The following IARS1 variants were observed in gnomAD, a reference collection of about 807,000 sequenced individuals.
IARS1 encodes isoleucyl-tRNA synthetase 1, also known as isoleucine--tRNA ligase, cytoplasmic.
A neutral mutation model predicts 168.2 loss-of-function variants in IARS1; 124 were observed. The ratio of observed to expected loss-of-function variants is 0.74; its 90% CI spans 0.64 to 0.86. The LOEUF is 0.86. Among genes scored for constraint, IARS1 ranks in the 40% least tolerant of loss-of-function variants. The pLI is 0.00. For synonymous variants in IARS1, 532 were observed against 529.4 expected (o/e 1.00, Z -0.07); for missense variants, 1,452 against 1,515.8 (o/e 0.96, Z 0.70).
At position 92,210,822 on chromosome 9, in the gene IARS1, T is replaced by C. The variant is rs1385445351; in HGVS notation, c.3774A>G (p.Thr1258=). The change falls in exon 34 of 34, where the codon ACA becomes ACG. Residue 1258 remains threonine, a synonymous_variant. Transcript: ENST00000443024. ...TAAGTACATGCTAGAAGTCTGCTGT[T>C]GTTGGTAACACAGAAACATACACAG... ...MKTVYVSVLP[T]TADF The C allele has an allele frequency of 1.9e-6, 3 of 1,608,722 alleles. No homozygotes were observed. The highest frequency in any genetic ancestry group is 1.7e-6 in the Non-Finnish European group (2 of 1,175,140).
intron 20 of IARS1, among the ~76,000 whole-genome samples, chr9:92,255,931 C>A (rs1830652771): frequency 6.6e-6 from 1 of 152,122 alleles, no homozygotes; most frequent in African/African-American, 2.4e-5. Flanking sequence ...TGATGGATAT[C>A]CCATTTACCC....
chr9:92,263,100 C>A, intron 16 of IARS1, 45 bp from the exon 17 acceptor site: 1 of 1,300,092 alleles, frequency 7.7e-7, no homozygotes, highest in South Asian at 1.2e-5. Flanking sequence ...GAAATGAAGT[C>A]CAAGCATAAG....
At chr9:92,224,081 G>A (rs1313369353) in intron 31 of IARS1, among the ~76,000 whole-genome samples, 1 of 152,212 alleles carries the variant, frequency 6.6e-6, no homozygotes, top group Non-Finnish European at 1.5e-5. Context: ...GGAAACTGCT[G>A]CACCAGTGGC....
rs1829763164 is a variant in IARS1, at chr9:92,249,899, C to T, written c.2575G>A (p.Ala859Thr). ...TCCAAAGACTTGATATCTTTAAGAG[C>T]TTCTGGATCTTGATGGATAACCACA... ...EIVVIHQDPE[A>T]LKDIKSLEKY... Residue 859 changes from alanine to threonine, a missense_variant, in exon 25 of 34, where the codon GCT becomes ACT. Transcript: ENST00000443024. The T allele has an allele frequency of 6.2e-7, 1 of 1,607,454 alleles. No homozygotes were observed. Among genetic ancestry groups the T allele is most frequent in the East Asian group, 2.2e-5 (1 of 44,818 alleles).
chr9:92,240,640 C>T (rs1159195799), intron 30 of IARS1: 1 of 716,306 alleles, frequency 1.4e-6, no homozygotes, highest in Admixed American at 2.0e-5. Flanking sequence ...GCAATCCTCT[C>T]ACCTTGGCTT....
At chr9:92,239,311 T>C (rs1348020781) in intron 30 of IARS1, among the ~76,000 whole-genome samples, 1 of 152,212 alleles carries the variant, frequency 6.6e-6, no homozygotes, top group Non-Finnish European at 1.5e-5. Context: ...GTATTTCTGA[T>C]TGATATGGAA....
At chr9:92,227,384 G>A (rs1185075394) in intron 31 of IARS1, among the ~76,000 whole-genome samples, 1 of 143,190 alleles carries the variant, frequency 7.0e-6, no homozygotes, top group Non-Finnish European at 1.5e-5. Context: ...AGGGGCGGCC[G>A]GGCAGAGGCG....
Position 92,220,445 on chromosome 9 carries a change from AT to A in IARS1, c.3706+2074del, listed in dbSNP as rs1277876352. Among the ~76,000 whole-genome samples the A allele has an allele frequency of 4.2e-3, 646 of 152,098 alleles. 7 individuals carry two copies. The highest frequency in any genetic ancestry group is 0.014 in the African/African-American group (601 of 41,518). On this transcript the variant is annotated intron_variant, in intron 33 of 33. Transcript: ENST00000443024. ...TAATAAAAATAATAATCATAAAAAA[AT>A]AATAAAATAAAATTACAAAAATTAT... is the stretch of plus-strand genomic sequence containing the variant.
chr9:92,240,834 A>T (rs1309714521), intron 30 of IARS1, 22 bp downstream of exon 30: 1 of 1,490,224 alleles, frequency 6.7e-7, no homozygotes, highest in Non-Finnish European at 9.4e-7. Flanking sequence ...AAAGTCACAC[A>T]AATCATGGAA....
chr9:92,276,128 TAGG>T (rs892912774), intron 9 of IARS1, among the ~76,000 whole-genome samples: 2 of 152,070 alleles, frequency 1.3e-5, no homozygotes, highest in African/African-American at 4.8e-5. Context: ...AGCTATATGA[TAGG>T]AGAATGGAAT....
chr9:92,222,340 CAAAAAA>C (rs60335070), intron 33 of IARS1, among the ~76,000 whole-genome samples, 174 bp downstream of exon 33: 2,935 of 55,362 alleles, frequency 0.053, 21 homozygotes, highest in South Asian at 0.14. Flanking sequence ...GACTCAGTCT[CAAAAAA>C]AAAAAAAAAA....
At chr9:92,244,698 T>A (rs977243394) in intron 27 of IARS1, among the ~76,000 whole-genome samples, 2 of 152,212 alleles carry the variant, frequency 1.3e-5, no homozygotes, top group African/African-American at 2.4e-5. Context: ...CTTGAAGGGT[T>A]CATTTTTGTG....
At chr9:92,219,715 G>A (rs1266629140) in intron 33 of IARS1, among the ~76,000 whole-genome samples, 3 of 137,744 alleles carry the variant, frequency 2.2e-5, no homozygotes, top group East Asian at 4.0e-4. Flanking sequence ...AAACCACAAT[G>A]AGATACCATC....
chr9:92,246,479 G>T (rs1354707658), intron 26 of IARS1, among the ~76,000 whole-genome samples: 4 of 152,174 alleles, frequency 2.6e-5, no homozygotes, highest in Non-Finnish European at 5.9e-5. Flanking sequence ...GTAGCAAGAT[G>T]GGGCTGATTT....
At chr9:92,287,193 T>C (rs181002834) in intron 4 of IARS1, among the ~76,000 whole-genome samples, 97 of 152,306 alleles carry the variant, frequency 6.4e-4, no homozygotes, top group Non-Finnish European at 1.1e-3. Flanking sequence ...ACCTCACACA[T>C]TGAGAGACAT....
rs1837557972 is a variant in IARS1 at position 92,210,314 on chromosome 9, T to C, written c.*493A>G. 1 of 152,640 alleles carries C rather than the reference T, an allele frequency of 6.6e-6. No individual in the cohort carries two copies. Among genetic ancestry groups the C allele is most frequent in the African/African-American group, 2.4e-5 (1 of 41,466 alleles). The allele number at this position is 152,640 out of a possible 1,614,324, so 9.5% of individuals were successfully genotyped here. A position where few individuals can be genotyped will look rare whatever the true frequency, so the allele number is the denominator to read the frequency against. ...ACACATTTCAAGTTTCATTTATCTA[T>C]GGGAGAATGAATTACTTTCAACACA... On this transcript the variant is annotated 3_prime_UTR_variant, in exon 34 of 34. Transcript: ENST00000443024.
At position 92,268,240 on chromosome 9, in the gene IARS1, C is replaced by A; in HGVS notation, c.1365G>T (p.Trp455Cys). 6.2e-7 allele frequency: 1 copy of A among 1,612,158 alleles called. No homozygotes were observed. The highest frequency in any genetic ancestry group is 8.5e-7 in the Non-Finnish European group (1 of 1,179,528). ...CCCAGTATCTGTTTCTGGAAATTGT[C>A]CAGTCACGTGCATCTTTCAGCCAAT... ...FGNWLKDARD[W>C]TISRNRYWGT... The change falls in exon 14 of 34, where the codon TGG becomes TGT. Residue 455 changes from tryptophan to cysteine, a missense_variant. Transcript: ENST00000443024.
At chr9:92,270,921 C>T in intron 12 of IARS1, 64 bp downstream of exon 12, 1 of 1,101,314 alleles carries the variant, frequency 9.1e-7, no homozygotes, top group Non-Finnish European at 1.3e-6. Flanking sequence ...GGAATGGGCA[C>T]ATATAGTAAG....
intron 30 of IARS1, among the ~76,000 whole-genome samples, chr9:92,235,198 T>C (rs532732505): frequency 8.4e-4 from 128 of 152,290 alleles, no homozygotes; most frequent in Non-Finnish European, 1.4e-3. Context: ...TATTCCTTTC[T>C]TTATCTGCAT....
Sources: gnomAD v4.1 joint callset for allele counts (sites outside exome capture counted in the v4.1 genomes callset) on GRCh38, gnomAD v4.1.1 for gene constraint, MANE v1.5 for transcripts, NCBI Gene and HGNC (gene_info 2026-07-23, HGNC 2026-07-21) for gene names.